Variants in TMA16 observed in about 807,000 individuals in gnomAD.
TMA16 encodes the protein translation machinery associated 16 homolog, also known as translation machinery-associated protein 16.
TMA16 carries 26 observed loss-of-function variants against 27.1 expected under a neutral mutation model. The ratio of observed to expected loss-of-function variants is 0.96; its 90% CI spans 0.70 to 1.33. The LOEUF (loss-of-function observed/expected upper bound fraction) is 1.33. Ranked by LOEUF, TMA16 falls within the 40% of genes most tolerant of loss-of-function variation. The pLI is 0.00. For missense variants in TMA16, 233 were observed against 241.4 expected, an observed-to-expected ratio of 0.97 and a Z score of 0.23; for synonymous variants, 71 against 81.9, an observed-to-expected ratio of 0.87 and a Z score of 0.72.
chr4:163,517,540 T>C (rs771336065), intron 6 of TMA16, 64 bp downstream of exon 6: 35 of 1,459,002 alleles, frequency 2.4e-5, no homozygotes, highest in Non-Finnish European at 3.1e-5. Context: ...TGAACTTTCT[T>C]CCCCTTTGAG....
At chr4:163,509,916 G>T (rs1007053993) in intron 2 of TMA16, among the ~76,000 whole-genome samples, 2 of 152,152 alleles carry the variant, frequency 1.3e-5, no homozygotes, top group Admixed American at 6.5e-5. Context: ...AGCATGATGG[G>T]TAAGAATCTC....
At chr4:163,516,419 G>A (rs956526055) in intron 5 of TMA16, among the ~76,000 whole-genome samples, 22 of 152,148 alleles carry the variant, frequency 1.4e-4, no homozygotes, top group African/African-American at 4.6e-4. Context: ...AATTGTTTTT[G>A]TGCTTATTTA....
intron 4 of TMA16, 79 bp from the exon 5 acceptor site, chr4:163,515,234 A>G (rs1190432692): frequency 7.1e-7 from 1 of 1,399,138 alleles, no homozygotes; most frequent in East Asian, 2.5e-5. Context: ...TGAAGGCTGG[A>G]TACTAAGTTT....
At chr4:163,506,383 A>G (rs545337174) in intron 1 of TMA16, among the ~76,000 whole-genome samples, 145 of 152,300 alleles carry the variant, frequency 9.5e-4, no homozygotes, top group African/African-American at 3.2e-3. Context: ...CTAGATCATT[A>G]TAGGTGAGGT....
At chr4:163,508,251 T>C (rs1737744603) in intron 2 of TMA16, among the ~76,000 whole-genome samples, 1 of 152,180 alleles carries the variant, frequency 6.6e-6, no homozygotes, top group Admixed American at 6.6e-5. Context: ...GAAATACATC[T>C]GTAGAACTTA....
intron 4 of TMA16, 62 bp downstream of exon 4, chr4:163,514,220 T>A: frequency 1.5e-6 from 2 of 1,323,586 alleles, no homozygotes; most frequent in South Asian, 1.4e-5. Flanking sequence ...CCTGGTTCTT[T>A]AAGACACAGA....
intron 1 of TMA16, among the ~76,000 whole-genome samples, chr4:163,496,026 A>G (rs953309356): frequency 6.6e-6 from 1 of 152,236 alleles, no homozygotes; most frequent in Admixed American, 6.5e-5. Flanking sequence ...CTTGACTATC[A>G]GAGCTTCACT....
At chr4:163,515,279 T>G (rs1479786101) in intron 4 of TMA16, 34 bp from the exon 5 acceptor site, 11 of 1,586,122 alleles carry the variant, frequency 6.9e-6, no homozygotes, top group Admixed American at 1.8e-5. Flanking sequence ...ACATATACTT[T>G]GTATGTAACA....
Position 163,517,485 on chromosome 4 carries a change from G to C in TMA16, c.431+9G>C. ...AATCTGAAAACATTTAGGTGAGTCT[G>C]TCTTGTATTGTTCCCCTGAAGCTGT... On this transcript the variant is annotated intron_variant, in intron 6 of 6. Coordinates refer to ENST00000358572, the MANE Select transcript of TMA16 (RefSeq NM_018352.3). The C allele has an allele frequency of 6.2e-7, 1 of 1,612,088 alleles. No individual in the cohort carries two copies. Among genetic ancestry groups the C allele is most frequent in the Non-Finnish European group, 8.5e-7 (1 of 1,179,084 alleles).
intron 1 of TMA16, among the ~76,000 whole-genome samples, chr4:163,499,502 A>T (rs1380211644): frequency 6.6e-6 from 1 of 152,082 alleles, no homozygotes; most frequent in Non-Finnish European, 1.5e-5. Context: ...ACCAAATTTT[A>T]AAAAGATTCC....
In TMA16 at chr4:163,507,034, C is replaced by T. The variant is rs374677827; in HGVS notation, c.5C>T (p.Pro2Leu). 2.2e-5 allele frequency: 34 copies of T among 1,581,296 alleles called. No homozygotes were observed. Among genetic ancestry groups the T allele is most frequent in the Non-Finnish European group, 2.8e-5 (33 of 1,163,180 alleles). ...GTCATGTGTTTTCATACATTTTAGC[C>T]CAAAGCACCAAAGGGAAAAAGTGCA... M[P>L]KAPKGKSAGR... The change falls in exon 2 of 7, where the codon CCC becomes CTC. Residue 2 changes from proline to leucine, a missense_variant and splice_region_variant. Pro to Leu is a moderately conservative substitution (Grantham distance 98, BLOSUM62 -3). Coordinates refer to ENST00000358572, the MANE Select transcript of TMA16 (RefSeq NM_018352.3).
rs555648114 is a variant in TMA16 at position 163,510,491 on chromosome 4, G to GT, written c.117-2325dup. On this transcript the variant is annotated intron_variant, in intron 2 of 6. Coordinates refer to ENST00000358572, the MANE Select transcript of TMA16 (RefSeq NM_018352.3). ...TATAAATGGGATCATGCTGTATGTG[G>GT]TTTTTTGTGCCAGCGTCTTTCACGT... is the stretch of plus-strand genomic sequence containing the variant. 3.3e-5 allele frequency among the ~76,000 whole-genome samples: 5 copies of GT among 152,244 alleles called. No homozygotes were observed. The East Asian group carries it at 9.6e-4, about 29-fold the overall frequency.
intron 1 of TMA16, among the ~76,000 whole-genome samples, chr4:163,503,728 A>G (rs1017821084): frequency 6.6e-5 from 10 of 152,206 alleles, no homozygotes; most frequent in African/African-American, 2.4e-4. Flanking sequence ...AGGCATAGAT[A>G]TTCAAAATGG....
intron 1 of TMA16, among the ~76,000 whole-genome samples, chr4:163,502,339 C>T (rs1737660625): frequency 6.6e-6 from 1 of 152,230 alleles, no homozygotes; most frequent in East Asian, 1.9e-4. Flanking sequence ...ATTTTTAATT[C>T]ATAGTAGCCC....
intron 1 of TMA16, among the ~76,000 whole-genome samples, chr4:163,495,261 GC>G (rs1206748742): frequency 6.6e-6 from 1 of 152,108 alleles, no homozygotes; most frequent in Non-Finnish European, 1.5e-5. Flanking sequence ...CTGCCGTTAC[GC>G]CCCCATTCGC....
In TMA16 at chr4:163,520,155, C is replaced by T; in HGVS notation, c.*641C>T. The T allele has an allele frequency of 2.6e-6, 1 of 381,330 alleles. No individual in the cohort carries two copies. Among genetic ancestry groups the T allele is most frequent in the Non-Finnish European group, 4.6e-6 (1 of 215,584 alleles). 23.6% of individuals were successfully genotyped at this position (381,330 alleles called of 1,614,324 possible). Reference sequence around the variant, plus strand: ...GGGGATAAAGAGTTTCAGTTTAGCTCCTTTTGATTGTATATTATTTTTTGC... The same window carrying T: ...GGGGATAAAGAGTTTCAGTTTAGCTTCTTTTGATTGTATATTATTTTTTGC... On this transcript the variant is annotated 3_prime_UTR_variant, in exon 7 of 7. Transcript: ENST00000358572.
At chr4:163,515,513 TTG>T (rs1560916521) in intron 5 of TMA16, 52 bp downstream of exon 5, 1 of 1,473,872 alleles carries the variant, frequency 6.8e-7, no homozygotes, top group Middle Eastern at 1.8e-4. Context: ...CAGTATCAAT[TTG>T]TGATTGATTT....
chr4:163,513,109 T>C (rs141771383), intron 3 of TMA16, among the ~76,000 whole-genome samples: 8 of 152,324 alleles, frequency 5.3e-5, no homozygotes, highest in Non-Finnish European at 1.0e-4. Context: ...ATAACATTCA[T>C]ATCCATCTGT....
At chr4:163,509,595 A>G (rs1390904160) in intron 2 of TMA16, among the ~76,000 whole-genome samples, 1 of 152,156 alleles carries the variant, frequency 6.6e-6, no homozygotes, top group South Asian at 2.1e-4. Context: ...TCTGCTTCCA[A>G]GCTTCCTCAC....
Sources: allele counts gnomAD v4.1 joint callset (sites outside exome capture counted in the v4.1 genomes callset), GRCh38; gene constraint gnomAD v4.1.1; transcripts MANE v1.5; gene names NCBI Gene and HGNC (gene_info 2026-07-23, HGNC 2026-07-21).